Variants in CARMIL1 observed in about 807,000 individuals in gnomAD.
CARMIL1 encodes the protein capping protein regulator and myosin 1 linker 1, also known as F-actin-uncapping protein LRRC16A.
In CARMIL1, 90 loss-of-function variants were observed where a neutral mutation model predicts 177.1. That is an observed-to-expected ratio of 0.51 (90% CI 0.43 to 0.61). The LOEUF (loss-of-function observed/expected upper bound fraction) is 0.61. Among genes scored for constraint, CARMIL1 ranks in the 20% least tolerant of loss-of-function variants. The pLI, the probability that CARMIL1 is intolerant of heterozygous loss-of-function variation, is 0.00. For synonymous variants in CARMIL1, 577 were observed against 606.2 expected, an observed-to-expected ratio of 0.95 and a Z score of 0.71; for missense variants, 1,380 against 1,667.0, an observed-to-expected ratio of 0.83 and a Z score of 3.00.
At chr6:25,506,437 T>C (rs1282139929) in intron 17 of CARMIL1, among the ~76,000 whole-genome samples, 1 of 152,142 alleles carries the variant, frequency 6.6e-6, no homozygotes, top group Non-Finnish European at 1.5e-5. Flanking sequence ...TCCCAGCTAC[T>C]TGGGAGGCTG....
chr6:25,433,321 G>C (rs151235343), intron 4 of CARMIL1: 1 of 152,220 alleles, frequency 6.6e-6, no homozygotes, highest in Non-Finnish European at 1.5e-5. Flanking sequence ...CTGAATAGAT[G>C]TGCTAGATGT....
At chr6:25,524,128 T>A (rs1216970109) in intron 23 of CARMIL1, among the ~76,000 whole-genome samples, 1 of 152,180 alleles carries the variant, frequency 6.6e-6, no homozygotes, top group East Asian at 1.9e-4. Flanking sequence ...TAGTAGGACC[T>A]TACCTGAACA....
chr6:25,523,860 T>C (rs1806823591), intron 23 of CARMIL1, among the ~76,000 whole-genome samples: 2 of 152,194 alleles, frequency 1.3e-5, no homozygotes. Flanking sequence ...CAGGACCACT[T>C]AAACAGTAAG....
At chr6:25,535,430 G>A (rs1270733085) in intron 24 of CARMIL1, among the ~76,000 whole-genome samples, 1 of 152,182 alleles carries the variant, frequency 6.6e-6, no homozygotes, top group African/African-American at 2.4e-5. Flanking sequence ...GGGAAGATAT[G>A]GGACCTGCAG....
At chr6:25,475,891 G>A (rs2150953494) in intron 11 of CARMIL1, among the ~76,000 whole-genome samples, 1 of 152,200 alleles carries the variant, frequency 6.6e-6, no homozygotes, top group Middle Eastern at 3.4e-3. Context: ...TTCCATAATA[G>A]CACTTACTTC....
chr6:25,346,436 A>C (rs1457825851), intron 2 of CARMIL1, among the ~76,000 whole-genome samples: 1 of 152,092 alleles, frequency 6.6e-6, no homozygotes, highest in Non-Finnish European at 1.5e-5. Context: ...GTCTTTCTTC[A>C]AATGTCACTT....
At chr6:25,450,105 G>A (rs1375168984) in intron 6 of CARMIL1, 110 bp downstream of exon 6, 1 of 949,432 alleles carries the variant, frequency 1.1e-6, no homozygotes, top group African/African-American at 1.7e-5. Context: ...TAGTTTCAAG[G>A]TGTAATTAGC....
At chr6:25,284,004 C>CAA (rs1415093787) in intron 1 of CARMIL1, among the ~76,000 whole-genome samples, 3 of 152,118 alleles carry the variant, frequency 2.0e-5, no homozygotes, top group African/African-American at 7.2e-5. Context: ...AGACGTGAGC[C>CAA]AACGTGCCCA....
intron 2 of CARMIL1, among the ~76,000 whole-genome samples, chr6:25,358,015 T>C (rs1286178395): frequency 6.6e-6 from 1 of 152,250 alleles, no homozygotes; most frequent in African/African-American, 2.4e-5. Flanking sequence ...CTGCTTTTCT[T>C]ACTGGTTTTG....
At chr6:25,467,244 A>C (rs1314525599) in intron 9 of CARMIL1, among the ~76,000 whole-genome samples, 1 of 152,188 alleles carries the variant, frequency 6.6e-6, no homozygotes, top group Non-Finnish European at 1.5e-5. Context: ...ACAGGTAGCC[A>C]TTATGGGAGA....
In CARMIL1 at chr6:25,477,838, ACTT is replaced by A; in HGVS notation, c.875-4413_875-4411del. 2.2e-5 allele frequency among the ~76,000 whole-genome samples: 3 copies of A among 139,432 alleles called. No homozygotes were observed. The Admixed American group carries it at 2.2e-4, about 10-fold the overall frequency. The allele number at this position is 139,432 out of a possible 152,430, so 91.5% of individuals were successfully genotyped here. ...AGCCTTTTCAGAAATGTCTGTCCTC[ACTT>A]CTTCTCATCACTTTTTTTTTTTTTT... On this transcript the variant is annotated intron_variant, in intron 11 of 36. Coordinates refer to ENST00000329474, the MANE Select transcript of CARMIL1 (RefSeq NM_017640.6).
At chr6:25,345,663 C>T (rs1787431056) in intron 2 of CARMIL1, among the ~76,000 whole-genome samples, 1 of 152,190 alleles carries the variant, frequency 6.6e-6, no homozygotes, top group African/African-American at 2.4e-5. Context: ...GTTGCCCAGG[C>T]TTGAGTGCAG....
intron 31 of CARMIL1, among the ~76,000 whole-genome samples, chr6:25,590,988 CT>C (rs1157832661): frequency 1.3e-5 from 2 of 152,034 alleles, no homozygotes; most frequent in Admixed American, 6.6e-5. Flanking sequence ...ATCTTGATTG[CT>C]TAGCTAATTA....
intron 36 of CARMIL1, among the ~76,000 whole-genome samples, chr6:25,617,205 C>T (rs1374150623): frequency 1.3e-5 from 2 of 152,140 alleles, no homozygotes; most frequent in Admixed American, 1.3e-4. Context: ...GAAGGACAAC[C>T]TACTTTTTGC....
chr6:25,323,417 C>G (rs1048231957), intron 2 of CARMIL1, among the ~76,000 whole-genome samples: 1 of 78,398 alleles, frequency 1.3e-5, no homozygotes, highest in African/African-American at 6.8e-5. Context: ...GACCCTGTCT[C>G]TACAAAAAAA....
chr6:25,509,687 G>A lies in CARMIL1; in HGVS notation c.1427G>A (p.Gly476Asp), dbSNP rs745535287. Reference sequence around the variant, plus strand: ...TCAGGAGGTGCTCAAGTATTAGAAGGTTGCATTGCTGAAATACACAACATC... The same window carrying A: ...TCAGGAGGTGCTCAAGTATTAGAAGATTGCATTGCTGAAATACACAACATC... ...LRSGGAQVLE[G>D]CIAEIHNITS... The change falls in exon 18 of 37, where the codon GGT becomes GAT. Residue 476 changes from glycine (G) to aspartate (D), a missense_variant. Physicochemically the swap from Gly to Asp is moderately conservative, Grantham distance 94. Coordinates refer to ENST00000329474, the MANE Select transcript of CARMIL1 (RefSeq NM_017640.6). The surrounding 1 kb of genome is among the most constrained non-coding windows in gnomAD (Gnocchi z 4.1). 1 of 1,604,122 alleles carries A rather than the reference G, an allele frequency of 6.2e-7. No individual in the cohort carries two copies. Among genetic ancestry groups the A allele is most frequent in the Non-Finnish European group, 8.5e-7 (1 of 1,174,952 alleles).
At chr6:25,609,359 G>C (rs1385403818) in intron 35 of CARMIL1, among the ~76,000 whole-genome samples, 1 of 151,894 alleles carries the variant, frequency 6.6e-6, no homozygotes, top group Non-Finnish European at 1.5e-5. Context: ...CCAGCTACTT[G>C]GGAGGCTGAG....
chr6:25,537,080 C>A (rs541880006), intron 24 of CARMIL1, among the ~76,000 whole-genome samples: 1 of 152,088 alleles, frequency 6.6e-6, no homozygotes, highest in African/African-American at 2.4e-5. Flanking sequence ...ATAATCTTAA[C>A]CTTTCTGAAA....
chr6:25,408,396 G>A (rs1250757648), intron 2 of CARMIL1, among the ~76,000 whole-genome samples: 1 of 151,760 alleles, frequency 6.6e-6, no homozygotes, highest in East Asian at 1.9e-4. Flanking sequence ...CATGGCCCAG[G>A]ATATGACAGA....
Sources: gnomAD v4.1 joint callset for allele counts (sites outside exome capture counted in the v4.1 genomes callset) on GRCh38, gnomAD v4.1.1 for gene constraint, Gnocchi (gnomAD v3.1) non-coding constraint, MANE v1.5 for transcripts, NCBI Gene and HGNC (gene_info 2026-07-23, HGNC 2026-07-21) for gene names.